Variants in EFCAB5 observed in about 807,000 individuals in gnomAD.
EFCAB5 encodes EF-hand calcium-binding domain-containing protein 5.
EFCAB5 carries 131 observed loss-of-function variants against 167.9 expected under a neutral mutation model. That is an observed-to-expected ratio of 0.78 (90% CI 0.68 to 0.90). The LOEUF (loss-of-function observed/expected upper bound fraction) is 0.90, where lower values mean the gene tolerates loss of function less well. Ranked by LOEUF, EFCAB5 falls within the 40% of genes least tolerant of loss-of-function variation. The pLI is 0.00. For synonymous variants in EFCAB5, 574 were observed against 602.8 expected, an observed-to-expected ratio of 0.95 and a Z score of 0.70; for missense variants, 1,663 against 1,745.2, an observed-to-expected ratio of 0.95 and a Z score of 0.84.
chr17:30,069,492 T>C (rs1363838623), intron 14 of EFCAB5: 1 of 1,597,448 alleles, frequency 6.3e-7, no homozygotes. Flanking sequence ...CAGTTAGTTG[T>C]GGGGGCAACT....
At chr17:30,034,109 C>G (rs2069552575) in intron 7 of EFCAB5, 121 bp from the exon 8 acceptor site, 1 of 1,225,358 alleles carries the variant, frequency 8.2e-7, no homozygotes, top group Admixed American at 2.7e-5. Context: ...AAGTGATAAG[C>G]AAATCATATG....
chr17:29,966,384 A>G (rs2067827589), intron 3 of EFCAB5, among the ~76,000 whole-genome samples: 1 of 152,056 alleles, frequency 6.6e-6, no homozygotes, highest in African/African-American at 2.4e-5. Context: ...TAATCCTAGC[A>G]CTTTGGGAGG....
intron 4 of EFCAB5, among the ~76,000 whole-genome samples, chr17:29,991,223 G>A (rs2068410608): frequency 6.6e-6 from 1 of 152,070 alleles, no homozygotes; most frequent in Non-Finnish European, 1.5e-5. Context: ...GTGACCCTTC[G>A]ACCCAGGTTC....
At chr17:30,062,135 A>G (rs563853645) in intron 14 of EFCAB5, among the ~76,000 whole-genome samples, 23 of 152,276 alleles carry the variant, frequency 1.5e-4, no homozygotes, top group African/African-American at 5.5e-4. Context: ...TTTTGGAAAC[A>G]TTTATTTTGG....
chr17:30,018,820 G>A (rs914348998), intron 7 of EFCAB5, among the ~76,000 whole-genome samples: 2 of 152,080 alleles, frequency 1.3e-5, no homozygotes, highest in African/African-American at 2.4e-5. Flanking sequence ...AAGCAATGGC[G>A]AGGAACTTTT....
At chr17:29,976,900 A>G (rs947925679) in intron 4 of EFCAB5, among the ~76,000 whole-genome samples, 2 of 152,154 alleles carry the variant, frequency 1.3e-5, no homozygotes, top group African/African-American at 4.8e-5. Context: ...CAATTTTTAT[A>G]GTGGTAGCCA....
chr17:29,938,669 G>T (rs1378077435), upstream of EFCAB5, among the ~76,000 whole-genome samples: 1 of 152,150 alleles, frequency 6.6e-6, no homozygotes, highest in Non-Finnish European at 1.5e-5. Context: ...TCTTCACCAG[G>T]AGTGATTCCA....
Position 30,086,149 on chromosome 17 carries a change from A to G in EFCAB5, c.3580-914A>G, listed in dbSNP as rs369130639. 2.7e-4 allele frequency among the ~76,000 whole-genome samples: 41 copies of G among 152,142 alleles called. 1 individual carries two copies. The highest frequency in any genetic ancestry group is 9.4e-4 in the African/African-American group (39 of 41,492). On this transcript the variant is annotated intron_variant, in intron 18 of 22. Transcript: ENST00000394835. ...TAGCTAAGACTACAGGCATGCCCCA[A>G]GAATTTTTTTTTTAAAGGAATGATT...
At chr17:30,059,447 A>G (rs2070364593) in intron 13 of EFCAB5, 98 bp from the exon 14 acceptor site, 1 of 1,301,476 alleles carries the variant, frequency 7.7e-7, no homozygotes, top group Non-Finnish European at 1.0e-6. Context: ...AACCTGTTTT[A>G]ATAGAAGACG....
intron 7 of EFCAB5, among the ~76,000 whole-genome samples, chr17:30,024,854 G>C (rs1349917840): frequency 2.0e-5 from 3 of 152,054 alleles, no homozygotes; most frequent in Non-Finnish European, 4.4e-5. Context: ...CAATGGAACA[G>C]AACAGAGCCC....
chr17:29,943,400 A>T (rs1354493310), intron 2 of EFCAB5, among the ~76,000 whole-genome samples, 165 bp from the exon 3 acceptor site: 1 of 152,216 alleles, frequency 6.6e-6, no homozygotes, highest in Admixed American at 6.5e-5. Flanking sequence ...CACTGTGATT[A>T]CCTCTTTGCT....
At position 29,996,936 on chromosome 17, in the gene EFCAB5, T is replaced by C. The variant is rs146133587; in HGVS notation, c.973+576T>C. Among the ~76,000 whole-genome samples the C allele has an allele frequency of 9.2e-5, 14 of 152,242 alleles. No individual in the cohort carries two copies. The East Asian group carries it at 2.7e-3, about 29-fold the overall frequency. The stretch of plus-strand genomic sequence containing the variant: ...ATAATCTCATCCAGTTCTGTTACTA[T>C]ATATACTAGGATTAAGACTTCTTCA... On this transcript the variant is annotated intron_variant, in intron 6 of 22. Coordinates refer to ENST00000394835, the MANE Select transcript of EFCAB5 (RefSeq NM_198529.4).
At chr17:29,991,699 TGTTTATGGCCAGTTTTGGGGTCA>T (rs1317893963) in intron 4 of EFCAB5, among the ~76,000 whole-genome samples, 2 of 152,298 alleles carry the variant, frequency 1.3e-5, no homozygotes, top group Non-Finnish European at 2.9e-5. Context: ...GCAGAGATTT[TGTTTATGGCCAGTTTTGGGGTCA>T]GTTTATGGCC....
intron 10 of EFCAB5, among the ~76,000 whole-genome samples, chr17:30,055,104 C>G (rs1426179967): frequency 6.6e-6 from 1 of 152,034 alleles, no homozygotes; most frequent in Non-Finnish European, 1.5e-5. Flanking sequence ...TCAAAACCAG[C>G]CTGAGCAACA....
Position 30,022,973 on chromosome 17 carries a change from T to C in EFCAB5, c.1045-11257T>C, listed in dbSNP as rs549721944. ...TGAAGGCAGAAATAAAGATGTTCTT[T>C]GAAACCAACGAGAACAAAGACACAA... On this transcript the variant is annotated intron_variant, in intron 7 of 22. Coordinates refer to ENST00000394835, the MANE Select transcript of EFCAB5 (RefSeq NM_198529.4). Among the ~76,000 whole-genome samples the C allele has an allele frequency of 5.1e-3, 781 of 152,154 alleles. 8 individuals carry two copies. The highest frequency in any genetic ancestry group is 0.018 in the African/African-American group (741 of 41,504).
chr17:30,006,895 G>A (rs1178892645), intron 7 of EFCAB5, among the ~76,000 whole-genome samples: 6 of 152,176 alleles, frequency 3.9e-5, no homozygotes, highest in South Asian at 2.1e-4. Flanking sequence ...GGATTCAAGC[G>A]ATCCTTCCAC....
intron 4 of EFCAB5, among the ~76,000 whole-genome samples, chr17:29,970,637 GACAC>G (rs34545008): frequency 7.9e-5 from 11 of 138,742 alleles, no homozygotes; most frequent in East Asian, 2.1e-4. Context: ...CTCAAAAACA[GACAC>G]ACACACACAC....
At chr17:30,044,193 G>T (rs1220061004) in intron 8 of EFCAB5, among the ~76,000 whole-genome samples, 1 of 152,044 alleles carries the variant, frequency 6.6e-6, no homozygotes, top group Non-Finnish European at 1.5e-5. Flanking sequence ...TAATTAATCT[G>T]ATCAATTATT....
At chr17:29,985,917 A>G in intron 4 of EFCAB5, among the ~76,000 whole-genome samples, 1 of 152,176 alleles carries the variant, frequency 6.6e-6, no homozygotes, top group Non-Finnish European at 1.5e-5. Flanking sequence ...TTTTTGCAAG[A>G]CGATAAAAGC....
Sources: gnomAD v4.1 joint callset for allele counts (sites outside exome capture counted in the v4.1 genomes callset) on GRCh38, gnomAD v4.1.1 for gene constraint, MANE v1.5 for transcripts, NCBI Gene and HGNC (gene_info 2026-07-23, HGNC 2026-07-21) for gene names.